The following MTUS1 variants were observed in gnomAD, a reference collection of about 807,000 sequenced individuals.
The protein encoded by MTUS1 is microtubule associated scaffold protein 1, also known as microtubule-associated tumor suppressor 1.
Under a neutral mutation model 120.8 loss-of-function variants are expected in MTUS1, and 109 were observed. The observed-to-expected ratio is 0.90, with a 90% CI of 0.77 to 1.06. The LOEUF (loss-of-function observed/expected upper bound fraction) is 1.06, where lower values mean the gene tolerates loss of function less well. MTUS1 is among the 50% of genes least tolerant of loss of function. The probability of loss-of-function intolerance (pLI) is 0.00; values close to 1 mark genes in which losing one functional copy is unlikely to be tolerated. For missense variants in MTUS1, 2,210 were observed against 1,486.3 expected (o/e 1.49, Z -8.01); for synonymous variants, 737 against 550.5 (o/e 1.34, Z -4.74).
At chr8:17,790,278 G>C (rs937198204) in intron 1 of MTUS1, among the ~76,000 whole-genome samples, 1 of 151,584 alleles carries the variant, frequency 6.6e-6, no homozygotes, top group East Asian at 1.9e-4. Context: ...AACCCGGGAG[G>C]CAGAGGTTGC....
intron 4 of MTUS1, among the ~76,000 whole-genome samples, chr8:17,717,395 T>C (rs761528684): frequency 5.3e-5 from 8 of 152,110 alleles, no homozygotes; most frequent in Non-Finnish European, 1.0e-4. Context: ...TCATAGAAAA[T>C]GGATATTGGG....
intron 2 of MTUS1, among the ~76,000 whole-genome samples, chr8:17,746,938 C>T (rs1195813773): frequency 6.6e-6 from 1 of 152,178 alleles, no homozygotes; most frequent in East Asian, 1.9e-4. Context: ...TACCCAGGCA[C>T]CCAACTTCAA....
chr8:17,752,160 G>A (rs1362979475), intron 2 of MTUS1, among the ~76,000 whole-genome samples: 4 of 151,848 alleles, frequency 2.6e-5, no homozygotes, highest in Non-Finnish European at 5.9e-5. Flanking sequence ...CACAAATCAG[G>A]AAAACTTTTA....
chr8:17,693,775 C>T (rs1467508379), intron 6 of MTUS1, among the ~76,000 whole-genome samples: 1 of 152,194 alleles, frequency 6.6e-6, no homozygotes, highest in African/African-American at 2.4e-5. Context: ...CTGTCTCCTT[C>T]TGTTAAACAG....
chr8:17,661,707 A>T (rs1034674157), intron 8 of MTUS1, among the ~76,000 whole-genome samples: 1 of 151,900 alleles, frequency 6.6e-6, no homozygotes, highest in Non-Finnish European at 1.5e-5. Flanking sequence ...ACATGGGAAG[A>T]AACGGGAAAG....
At chr8:17,786,365 TCCAGGAC>T (rs2051303456) in intron 1 of MTUS1, among the ~76,000 whole-genome samples, 1 of 151,982 alleles carries the variant, frequency 6.6e-6, no homozygotes, top group African/African-American at 2.4e-5. Flanking sequence ...TAAAACCTCC[TCCAGGAC>T]CCAGGCACCA....
intron 1 of MTUS1, among the ~76,000 whole-genome samples, chr8:17,778,975 C>T (rs2050668013): frequency 6.6e-6 from 1 of 152,088 alleles, no homozygotes; most frequent in African/African-American, 2.4e-5. Context: ...TGAGCTAGTA[C>T]AGAGTGAACA....
intron 1 of MTUS1, among the ~76,000 whole-genome samples, chr8:17,795,213 C>G: frequency 6.6e-6 from 1 of 152,250 alleles, no homozygotes; most frequent in Non-Finnish European, 1.5e-5. Flanking sequence ...ATTATTTACA[C>G]AAGAATGTAT....
chr8:17,757,138 G>C (rs1162366182), intron 1 of MTUS1, among the ~76,000 whole-genome samples: 3 of 152,094 alleles, frequency 2.0e-5, no homozygotes, highest in Non-Finnish European at 2.9e-5. Context: ...TCATAAAGTA[G>C]AAACCCACAT....
intron 7 of MTUS1, among the ~76,000 whole-genome samples, chr8:17,677,003 C>T (rs561865633): frequency 1.3e-5 from 2 of 152,132 alleles, no homozygotes; most frequent in African/African-American, 4.8e-5. Context: ...AGCACTGAAA[C>T]GTGGTCAGCA....
In MTUS1 at chr8:17,788,614, G is replaced by A. The variant is rs560591215; in HGVS notation, c.-155+12447C>T. On this transcript the variant is annotated intron_variant, in intron 1 of 14. Coordinates refer to ENST00000693296, the MANE Select transcript of MTUS1 (RefSeq NM_001363059.2). Reference sequence around the variant, plus strand: ...AGGAAGGATCATGTGCCAGCTGCCTGCAGTCCTAACTCAGCCGACTTCTGA... The same window carrying A: ...AGGAAGGATCATGTGCCAGCTGCCTACAGTCCTAACTCAGCCGACTTCTGA... Among the ~76,000 whole-genome samples the A allele has an allele frequency of 3.3e-5, 5 of 152,280 alleles. No homozygotes were observed. The South Asian group carries it at 1.0e-3, about 32-fold the overall frequency.
rs200756514 is a variant in MTUS1, at chr8:17,754,976, C to T, written c.832G>A (p.Gly278Arg). The part of the protein sequence containing the change: ...SGKVTSEYTD[G>R]SQQRLVGEKE... Reference sequence around the variant, plus strand: ...TCTCCAACTAGTCTTTGTTGTGATCCATCTGTGTACTCACTGGTGACCTTT... The same window carrying T: ...TCTCCAACTAGTCTTTGTTGTGATCTATCTGTGTACTCACTGGTGACCTTT... Residue 278 changes from glycine to arginine, a missense_variant, in exon 2 of 15, where the codon GGA becomes AGA. Physicochemically the swap from Gly to Arg is moderately radical, Grantham distance 125. Coordinates refer to ENST00000693296, the MANE Select transcript of MTUS1 (RefSeq NM_001363059.2). 4.2e-5 allele frequency: 68 copies of T among 1,613,916 alleles called. No individual in the cohort carries two copies. The highest frequency in any genetic ancestry group is 5.5e-5 in the Non-Finnish European group (65 of 1,179,982).
At chr8:17,682,843 C>T (rs140844257) in intron 7 of MTUS1, among the ~76,000 whole-genome samples, 1 of 152,058 alleles carries the variant, frequency 6.6e-6, no homozygotes, top group Non-Finnish European at 1.5e-5. Flanking sequence ...TCCTTTCTTA[C>T]AAATGAAAGA....
intron 8 of MTUS1, chr8:17,664,204 C>G (rs1346895391): frequency 2.6e-5 from 4 of 152,204 alleles, no homozygotes; most frequent in Non-Finnish European, 4.4e-5. Context: ...CACTTCAAGT[C>G]TTTCCCTTCC....
At chr8:17,675,443 A>T (rs932758828) in intron 7 of MTUS1, among the ~76,000 whole-genome samples, 191 bp from the exon 8 acceptor site, 2 of 152,178 alleles carry the variant, frequency 1.3e-5, no homozygotes. Flanking sequence ...GTAATTCAAA[A>T]ATCTGTATTT....
rs17125209 is a variant in MTUS1, at chr8:17,723,945, A to G, written c.2288-112T>C. 0.011 allele frequency: 8,348 copies of G among 789,742 alleles called. 527 individuals are homozygous for G. The African/African-American group carries it at 0.13, about 12-fold the overall frequency. 48.9% of individuals were successfully genotyped at this position (789,742 alleles called of 1,614,324 possible). A position where few individuals can be genotyped will look rare whatever the true frequency, so the allele number is the denominator to read the frequency against. ...ACTAACAACAAAGTCAAAACACAAA[A>G]TGAATGTTCACAATCATGTAACTTC... On this transcript the variant is annotated intron_variant, in intron 3 of 14. Coordinates refer to ENST00000693296, the MANE Select transcript of MTUS1 (RefSeq NM_001363059.2).
At chr8:17,682,504 C>G (rs1265260065) in intron 7 of MTUS1, among the ~76,000 whole-genome samples, 2 of 111,344 alleles carry the variant, frequency 1.8e-5, no homozygotes, top group African/African-American at 3.6e-5. Flanking sequence ...AGTGACAGAG[C>G]AAGACTCCAT....
At chr8:17,718,478 C>T (rs1027458080) in intron 4 of MTUS1, among the ~76,000 whole-genome samples, 58 of 152,186 alleles carry the variant, frequency 3.8e-4, no homozygotes, top group African/African-American at 1.2e-3. Context: ...TCGCCCATAT[C>T]GGGTATGGGA....
intron 3 of MTUS1, among the ~76,000 whole-genome samples, chr8:17,728,171 T>C (rs112336749): frequency 0.015 from 2,319 of 152,262 alleles, 20 homozygotes; most frequent in South Asian, 0.03. Flanking sequence ...AGTTGTTCAA[T>C]GGGTAGAAAG....
Sources: gnomAD v4.1 joint callset for allele counts (sites outside exome capture counted in the v4.1 genomes callset) on GRCh38, gnomAD v4.1.1 for gene constraint, MANE v1.5 for transcripts, NCBI Gene and HGNC (gene_info 2026-07-23, HGNC 2026-07-21) for gene names.